The following ADRA1B variants were observed in gnomAD, a reference collection of about 807,000 sequenced individuals.
The protein encoded by ADRA1B is alpha-1B adrenergic receptor.
In ADRA1B, 17 loss-of-function variants were observed where a neutral mutation model predicts 17.9. The observed-to-expected ratio is 0.95, with a 90% CI of 0.65 to 1.42. ADRA1B has a LOEUF of 1.42. Ranked by LOEUF, ADRA1B falls within the 40% of genes most tolerant of loss-of-function variation. The pLI is 0.00. For missense variants in ADRA1B, 681 were observed against 722.1 expected, an observed-to-expected ratio of 0.94 and a Z score of 0.65; for synonymous variants, 366 against 327.6, an observed-to-expected ratio of 1.12 and a Z score of -1.27.
intron 1 of ADRA1B, among the ~76,000 whole-genome samples, chr5:159,867,554 C>T (rs894374624): frequency 8.5e-5 from 13 of 152,164 alleles, no homozygotes; most frequent in Admixed American, 7.9e-4. Flanking sequence ...TAGTATTTTA[C>T]AGCTATACTT....
intron 1 of ADRA1B, among the ~76,000 whole-genome samples, chr5:159,941,433 T>C (rs11741223): frequency 0.12 from 17,845 of 152,196 alleles, 1,316 homozygotes; most frequent in Non-Finnish European, 0.16. Context: ...TTTATGGCAA[T>C]GTAGAAGGGC....
chr5:159,954,769 G>A (rs1181702782), intron 1 of ADRA1B, among the ~76,000 whole-genome samples: 2 of 152,110 alleles, frequency 1.3e-5, no homozygotes, highest in Non-Finnish European at 2.9e-5. Context: ...CCTCCACCTG[G>A]CATCCAAGCT....
chr5:159,983,669 A>G, the ADRA1B span, among the ~76,000 whole-genome samples: 10 of 152,054 alleles, frequency 6.6e-5, no homozygotes, highest in East Asian at 1.9e-3. Flanking sequence ...GGTCCTCCCA[A>G]TCATCTGTTT....
intron 1 of ADRA1B, among the ~76,000 whole-genome samples, chr5:159,875,354 C>T (rs1382054709): frequency 6.6e-6 from 1 of 152,050 alleles, no homozygotes; most frequent in Non-Finnish European, 1.5e-5. Context: ...AGCCCACAAC[C>T]GCAGCTCCTA....
At chr5:159,939,133 C>T (rs1755033507) in intron 1 of ADRA1B, among the ~76,000 whole-genome samples, 1 of 152,126 alleles carries the variant, frequency 6.6e-6, no homozygotes, top group African/African-American at 2.4e-5. Flanking sequence ...GTCCCCAGCC[C>T]CTCCAGTCTT....
intron 1 of ADRA1B, chr5:159,955,241 G>A: frequency 1.0e-6 from 1 of 970,392 alleles, no homozygotes; most frequent in Non-Finnish European, 1.2e-6. Flanking sequence ...GAAGGTATGA[G>A]TCCCATATGT....
chr5:159,895,553 C>T (rs996881500), intron 1 of ADRA1B, among the ~76,000 whole-genome samples: 22 of 152,118 alleles, frequency 1.4e-4, no homozygotes, highest in African/African-American at 5.3e-4. Context: ...ATTTACAATC[C>T]CACTCTTTCT....
At chr5:159,987,391 T>C in the ADRA1B span, among the ~76,000 whole-genome samples, 5,458 of 152,266 alleles carry the variant, frequency 0.036, 149 homozygotes, top group East Asian at 0.14. Context: ...CCTGGGGCCT[T>C]TCCTCGCCGC....
At chr5:159,901,420 G>C (rs1230930716) in intron 1 of ADRA1B, among the ~76,000 whole-genome samples, 1 of 115,382 alleles carries the variant, frequency 8.7e-6, no homozygotes, top group Non-Finnish European at 1.8e-5. Flanking sequence ...GAGGAGAAGG[G>C]GGAGGGAGAG....
intron 1 of ADRA1B, among the ~76,000 whole-genome samples, chr5:159,906,942 T>C (rs1315763688): frequency 6.6e-6 from 1 of 152,174 alleles, no homozygotes; most frequent in Admixed American, 6.5e-5. Flanking sequence ...CTTCTCTTCA[T>C]CCCCTTCCCA....
intron 1 of ADRA1B, among the ~76,000 whole-genome samples, chr5:159,956,226 A>G (rs111749638): frequency 0.029 from 4,385 of 152,270 alleles, 208 homozygotes; most frequent in African/African-American, 0.1. Flanking sequence ...GGATGACAGG[A>G]GGAGACCCGT....
At chr5:159,914,530 T>C (rs934103017), upstream of ADRA1B, among the ~76,000 whole-genome samples, 3 of 152,184 alleles carry the variant, frequency 2.0e-5, no homozygotes, top group Non-Finnish European at 4.4e-5. Flanking sequence ...AATTTAATTA[T>C]AATAGAAAAT....
At chr5:159,871,464 G>C (rs1753738551) in intron 1 of ADRA1B, 1 of 152,134 alleles carries the variant, frequency 6.6e-6, no homozygotes, top group South Asian at 2.1e-4. Context: ...ACTTCCTGTG[G>C]AGGCTCTACA....
the ADRA1B span, among the ~76,000 whole-genome samples, chr5:159,981,755 C>T: frequency 6.6e-6 from 1 of 152,142 alleles, no homozygotes; most frequent in South Asian, 2.1e-4. Flanking sequence ...CTCGGCCTCC[C>T]AAAGTGCTGG....
In ADRA1B at chr5:159,972,491, A is replaced by G. The variant is rs1485186451; in HGVS notation, c.1562A>G (p.Ter521TrpextTer?). Residue 521 changes from the stop codon to tryptophan (W), a stop_lost, in exon 2 of 2, where the codon TAG becomes TGG. Coordinates refer to ENST00000306675, the MANE Select transcript of ADRA1B (RefSeq NM_000679.4). ...ATGCCCCTGGCGCCCGGGCAGTTTT[A>G]GGGCCCCCGTGCGCAGCTTTCTTTC... ...SNMPLAPGQF[*>W] 8.6e-7 allele frequency: 1 copy of G among 1,165,998 alleles called. No individual in the cohort carries two copies. The highest frequency in any genetic ancestry group is 1.1e-6 in the Non-Finnish European group (1 of 933,786). 72.2% of individuals were successfully genotyped at this position (1,165,998 alleles called of 1,614,324 possible).
intron 1 of ADRA1B, among the ~76,000 whole-genome samples, chr5:159,941,516 C>T (rs549554138): frequency 2.6e-5 from 4 of 152,284 alleles, no homozygotes; most frequent in South Asian, 2.1e-4. Flanking sequence ...CCCAGCAGTC[C>T]GACTCCTAGT....
At chr5:159,928,413 G>C (rs559573756) in intron 1 of ADRA1B, among the ~76,000 whole-genome samples, 4 of 152,158 alleles carry the variant, frequency 2.6e-5, no homozygotes, top group African/African-American at 9.7e-5. Flanking sequence ...ACCACCCTTT[G>C]AACACTCAAG....
chr5:159,929,200 T>TA (rs1319037511), intron 1 of ADRA1B: 1 of 152,064 alleles, frequency 6.6e-6, no homozygotes, highest in African/African-American at 2.4e-5. Flanking sequence ...TATTATAGAG[T>TA]AAAAAAAGTC....
chr5:159,958,368 T>C (rs1346148761), intron 1 of ADRA1B, among the ~76,000 whole-genome samples: 1 of 152,214 alleles, frequency 6.6e-6, no homozygotes, highest in East Asian at 1.9e-4. Context: ...AAAATTCTCA[T>C]GGATATTTGG....
Sources: gnomAD v4.1 joint callset for allele counts (sites outside exome capture counted in the v4.1 genomes callset) on GRCh38, gnomAD v4.1.1 for gene constraint, MANE v1.5 for transcripts, NCBI Gene and HGNC (gene_info 2026-07-23, HGNC 2026-07-21) for gene names.